SERINC5: variants seen among roughly 807,000 people sequenced by gnomAD.
SERINC5 encodes the protein serine incorporator 5, also known as chromosome 5 open reading frame 12.
Under a neutral mutation model 63.1 loss-of-function variants are expected in SERINC5, and 41 were observed. The ratio of observed to expected loss-of-function variants is 0.65; its 90% CI spans 0.51 to 0.84. The LOEUF (loss-of-function observed/expected upper bound fraction) is 0.84, where lower values mean the gene tolerates loss of function less well. Ranked by LOEUF, SERINC5 falls within the 40% of genes least tolerant of loss-of-function variation. SERINC5 has a pLI of 0.00. For missense variants in SERINC5, 523 were observed against 573.0 expected (o/e 0.91, Z 0.89); for synonymous variants, 222 against 215.2 (o/e 1.03, Z -0.28).
intron 1 of SERINC5, among the ~76,000 whole-genome samples, chr5:80,217,849 C>T (rs1197428674): frequency 6.6e-6 from 1 of 152,118 alleles, no homozygotes; most frequent in East Asian, 1.9e-4. Flanking sequence ...TCCTATTTTC[C>T]TGATGTGAAA....
At chr5:80,161,573 T>C (rs1746925100) in intron 7 of SERINC5, among the ~76,000 whole-genome samples, 1 of 152,208 alleles carries the variant, frequency 6.6e-6, no homozygotes, top group South Asian at 2.1e-4. Flanking sequence ...TTTTTGTTGT[T>C]GAATTGTGTT....
intron 2 of SERINC5, among the ~76,000 whole-genome samples, chr5:80,183,487 T>A (rs1748588794): frequency 6.6e-6 from 1 of 151,998 alleles, no homozygotes; most frequent in Non-Finnish European, 1.5e-5. Flanking sequence ...TCTCATCCCC[T>A]GTGACTTGCA....
chr5:80,176,977 T>C (rs1039385808), intron 4 of SERINC5, among the ~76,000 whole-genome samples: 1 of 152,210 alleles, frequency 6.6e-6, no homozygotes. Flanking sequence ...GCTTTTCCTG[T>C]CCCACTATCG....
chr5:80,199,886 G>C (rs978531220), intron 2 of SERINC5, among the ~76,000 whole-genome samples: 1 of 152,116 alleles, frequency 6.6e-6, no homozygotes, highest in African/African-American at 2.4e-5. Flanking sequence ...ATTCAAGCTT[G>C]TTGAATTTAC....
intron 11 of SERINC5, among the ~76,000 whole-genome samples, chr5:80,120,813 A>T (rs1405636886): frequency 6.6e-6 from 1 of 152,190 alleles, no homozygotes; most frequent in Non-Finnish European, 1.5e-5. Flanking sequence ...CTCTGTCTCA[A>T]AAAAAGAAAA....
At chr5:80,246,041 G>A (rs192803563) in intron 1 of SERINC5, among the ~76,000 whole-genome samples, 77 of 149,592 alleles carry the variant, frequency 5.1e-4, no homozygotes, top group African/African-American at 1.8e-3. Context: ...TTAGGGATAA[G>A]GCTAGCAAAG....
At chr5:80,214,004 C>A (rs1483628436) in intron 1 of SERINC5, among the ~76,000 whole-genome samples, 1 of 152,090 alleles carries the variant, frequency 6.6e-6, no homozygotes, top group Non-Finnish European at 1.5e-5. Context: ...ACATCTAATA[C>A]ATGTGGTTTA....
intron 1 of SERINC5, among the ~76,000 whole-genome samples, chr5:80,247,678 C>T (rs1164937375): frequency 2.0e-5 from 3 of 152,182 alleles, no homozygotes. Context: ...CTACACTACA[C>T]AAAGACACTC....
intron 11 of SERINC5, chr5:80,128,235 T>C (rs1212274405): frequency 6.6e-6 from 1 of 152,236 alleles, no homozygotes; most frequent in Admixed American, 6.5e-5. Context: ...CTCATCTTGA[T>C]ATTTCCTGCC....
rs1438640415 is a variant in SERINC5, at chr5:80,138,772, A to G, written c.*4891T>C. On this transcript the variant is annotated 3_prime_UTR_variant, in exon 12 of 12. Transcript: ENST00000507668. The stretch of plus-strand genomic sequence containing the variant: ...TCTTTTATTTGTCAATTAAAGGATC[A>G]GCATAGACTCCATGAAACTTGAGAG... The G allele has an allele frequency of 6.2e-6, 6 of 972,474 alleles. No individual in the cohort carries two copies. Among genetic ancestry groups the G allele is most frequent in the Admixed American group, 1.2e-4 (2 of 16,254 alleles). The allele number at this position is 972,474 out of a possible 1,614,324, so 60.2% of individuals were successfully genotyped here. A position where few individuals can be genotyped will look rare whatever the true frequency, so the allele number is the denominator to read the frequency against.
intron 2 of SERINC5, among the ~76,000 whole-genome samples, chr5:80,189,481 C>T (rs559648678): frequency 2.6e-5 from 4 of 152,300 alleles, no homozygotes; most frequent in East Asian, 1.9e-4. Context: ...ACTTTCGTTT[C>T]GGCTAGAAAA....
intron 1 of SERINC5, among the ~76,000 whole-genome samples, chr5:80,224,944 TG>T (rs1431033468): frequency 0.011 from 978 of 90,982 alleles, 12 homozygotes; most frequent in African/African-American, 0.042. Context: ...TGTTTTTTTT[TG>T]TTTTTTTTTT....
At chr5:80,176,960 G>A (rs184226995) in intron 4 of SERINC5, among the ~76,000 whole-genome samples, 147 of 152,296 alleles carry the variant, frequency 9.7e-4, no homozygotes, top group African/African-American at 3.5e-3. Flanking sequence ...ATAACAGACT[G>A]AAAGATGCTT....
rs183687525 is a variant in SERINC5 at position 80,116,088 on chromosome 5, A to T, written c.1239-2463T>A. On this transcript the variant is annotated intron_variant, in intron 11 of 12. Coordinates refer to the SERINC5 transcript ENST00000509193. ...CTGGGGCTGATGGATGAGGGGTGTGAGGCAGGGCAGAAAGCCTCCACGTTG... is the reference window on the plus strand; with the variant it reads ...CTGGGGCTGATGGATGAGGGGTGTGTGGCAGGGCAGAAAGCCTCCACGTTG... 664 of 353,590 alleles carry T rather than the reference A, an allele frequency of 1.9e-3. 2 individuals carry two copies. Among genetic ancestry groups the T allele is most frequent in the Non-Finnish European group, 2.9e-3 (527 of 180,868 alleles). The allele number at this position is 353,590 out of a possible 1,614,324, so 21.9% of individuals were successfully genotyped here.
At chr5:80,185,749 A>G (rs1014692776) in intron 2 of SERINC5, among the ~76,000 whole-genome samples, 2 of 152,156 alleles carry the variant, frequency 1.3e-5, no homozygotes, top group Non-Finnish European at 2.9e-5. Flanking sequence ...CGGATGAGTC[A>G]GGAAAAGGAC....
intron 7 of SERINC5, among the ~76,000 whole-genome samples, chr5:80,165,083 T>C (rs529400276): frequency 6.6e-6 from 1 of 152,026 alleles, no homozygotes; most frequent in African/African-American, 2.4e-5. Context: ...ATTTAAAAAA[T>C]ATTGTAAATA....
At chr5:80,160,990 ATG>A (rs371901737) in intron 7 of SERINC5, among the ~76,000 whole-genome samples, 5,690 of 149,682 alleles carry the variant, frequency 0.038, 362 homozygotes, top group African/African-American at 0.13. Context: ...ATGTGTGTAT[ATG>A]TATATATATA....
At chr5:80,232,800 A>G (rs1751509796) in intron 1 of SERINC5, among the ~76,000 whole-genome samples, 1 of 150,496 alleles carries the variant, frequency 6.6e-6, no homozygotes, top group Admixed American at 6.7e-5. Context: ...AAAAATAAAA[A>G]GGAATGAAGT....
rs1745457154 is a variant in SERINC5 at position 80,140,705 on chromosome 5, T to C, written c.*2958A>G. 4.1e-6 allele frequency: 4 copies of C among 985,308 alleles called. No homozygotes were observed. In the African/African-American group the frequency reaches 7.0e-5, roughly 17 times the overall value. The allele number at this position is 985,308 out of a possible 1,614,324, so 61.0% of individuals were successfully genotyped here. On this transcript the variant is annotated 3_prime_UTR_variant, in exon 12 of 12. Coordinates refer to ENST00000507668, the MANE Select transcript of SERINC5 (RefSeq NM_001174072.3). ...TCCAGTCAGGTAACATGCCGCGGTA[T>C]GACACTCCCATAAGAACCCCCACCC...
Sources: allele counts gnomAD v4.1 joint callset (sites outside exome capture counted in the v4.1 genomes callset), GRCh38; gene constraint gnomAD v4.1.1; transcripts MANE v1.5; gene names NCBI Gene and HGNC (gene_info 2026-07-23, HGNC 2026-07-21).